The following DPP6 variants were observed in gnomAD, a reference collection of about 807,000 sequenced individuals.
DPP6 encodes the protein dipeptidyl peptidase like 6, also known as A-type potassium channel modulatory protein DPP6.
In DPP6, 69 loss-of-function variants were observed where a neutral mutation model predicts 122.6. The observed-to-expected ratio is 0.56, with a 90% CI of 0.46 to 0.69. DPP6 has a LOEUF of 0.69. Ranked by LOEUF, DPP6 falls within the 30% of genes least tolerant of loss-of-function variation. The pLI is 0.00. For synonymous variants in DPP6, 418 were observed against 433.1 expected, an observed-to-expected ratio of 0.97 and a Z score of 0.43; for missense variants, 928 against 1,116.9, an observed-to-expected ratio of 0.83 and a Z score of 2.41.
At chr7:154,276,508 G>T (rs115051583) in intron 1 of DPP6, among the ~76,000 whole-genome samples, 106 of 152,302 alleles carry the variant, frequency 7.0e-4, no homozygotes, top group African/African-American at 2.4e-3. Context: ...CAATAGAATT[G>T]ATTAGGAAAT....
In DPP6 at chr7:154,004,168, T is replaced by C. The variant is rs56107423; in HGVS notation, c.51+116434T>C. 9.0e-3 allele frequency among the ~76,000 whole-genome samples: 1,368 copies of C among 152,340 alleles called. 17 individuals carry two copies. Among genetic ancestry groups the C allele is most frequent in the African/African-American group, 0.031 (1,300 of 41,570 alleles). On this transcript the variant is annotated intron_variant, in intron 1 of 25. Transcript: ENST00000404039. ...TATCCTCACTGTCAATGTTTTTCTT[T>C]CCATACATTGTTGAGGTTAAGTTTG...
At chr7:154,110,830 A>G (rs1806520473) in intron 1 of DPP6, among the ~76,000 whole-genome samples, 1 of 151,904 alleles carries the variant, frequency 6.6e-6, no homozygotes. Flanking sequence ...AAAACCTTCC[A>G]GGGTCTGGGG....
intron 1 of DPP6, among the ~76,000 whole-genome samples, chr7:154,180,562 G>A (rs1798032045): frequency 7.8e-6 from 1 of 127,400 alleles, no homozygotes; most frequent in African/African-American, 3.0e-5. Flanking sequence ...TATTTAGAGA[G>A]AATATATATA....
intron 1 of DPP6, among the ~76,000 whole-genome samples, chr7:154,425,338 A>T (rs989798925): frequency 6.6e-6 from 1 of 152,206 alleles, no homozygotes; most frequent in African/African-American, 2.4e-5. Context: ...CAGTAAAATT[A>T]GCTGTAAATA....
chr7:154,212,690 C>G (rs1294879875), intron 1 of DPP6, among the ~76,000 whole-genome samples: 1 of 152,190 alleles, frequency 6.6e-6, no homozygotes, highest in African/African-American at 2.4e-5. Flanking sequence ...TTATGGAAAC[C>G]ATCAATTGTT....
rs543925006 is a variant in DPP6 at position 154,129,907 on chromosome 7, AAAAAAG to A, written c.243+76856_243+76861del. Among the ~76,000 whole-genome samples, 463 of 151,530 alleles carry A rather than the reference AAAAAAG, an allele frequency of 3.1e-3. 4 individuals carry two copies. Among genetic ancestry groups the A allele is most frequent in the Admixed American group, 5.1e-3 (78 of 15,250 alleles). On this transcript the variant is annotated intron_variant, in intron 1 of 25. Transcript: ENST00000377770. ...AGAGCGAGACTCTGTCTCAAAAAAAAAAAAAGAAAAAGAAAAAAATTAGCTGGGCAT... is the reference window on the plus strand; with the variant it reads ...AGAGCGAGACTCTGTCTCAAAAAAAAAAAAAGAAAAAAATTAGCTGGGCAT...
At chr7:153,800,163 A>G in the DPP6 span, among the ~76,000 whole-genome samples, 1 of 152,230 alleles carries the variant, frequency 6.6e-6, no homozygotes, top group South Asian at 2.1e-4. Flanking sequence ...AAGATATGGC[A>G]TCAACCTAAG....
chr7:154,046,627 G>A (rs3961903), intron 1 of DPP6, among the ~76,000 whole-genome samples: 16 of 152,316 alleles, frequency 1.1e-4, no homozygotes, highest in Admixed American at 8.5e-4. Flanking sequence ...GGTTTGTCAC[G>A]TAAAGGAAGA....
the DPP6 span, among the ~76,000 whole-genome samples, chr7:153,755,862 G>A: frequency 1.3e-5 from 2 of 151,938 alleles, no homozygotes; most frequent in Non-Finnish European, 2.9e-5. Flanking sequence ...CTTTCTGTAG[G>A]AAGCCCTCCC....
intron 1 of DPP6, among the ~76,000 whole-genome samples, chr7:154,297,768 C>T (rs922043454): frequency 2.6e-5 from 4 of 152,152 alleles, no homozygotes; most frequent in Admixed American, 6.5e-5. Context: ...TTTTCTCCCA[C>T]GAAGGGTTTG....
At chr7:154,440,325 A>G (rs1460620220) in intron 1 of DPP6, among the ~76,000 whole-genome samples, 1 of 152,064 alleles carries the variant, frequency 6.6e-6, no homozygotes, top group African/African-American at 2.4e-5. Context: ...GGCCATATCC[A>G]TTATCCCTCC....
At chr7:154,204,828 T>C (rs972966683) in intron 1 of DPP6, among the ~76,000 whole-genome samples, 1 of 152,138 alleles carries the variant, frequency 6.6e-6, no homozygotes, top group African/African-American at 2.4e-5. Context: ...TGTACCTGCA[T>C]GTGTTTATAC....
chr7:154,691,267 G>A lies in DPP6; in HGVS notation c.762+21826G>A, dbSNP rs182667204. The stretch of plus-strand genomic sequence containing the variant: ...CTGTTTTCAATTCTCTCAAACTTCT[G>A]TTTTCCGATGAGGAGCATGATTTTG... On this transcript the variant is annotated intron_variant, in intron 7 of 25. Coordinates refer to ENST00000377770, the MANE Select transcript of DPP6 (RefSeq NM_130797.4). Among the ~76,000 whole-genome samples, 759 of 152,240 alleles carry A rather than the reference G, an allele frequency of 5.0e-3. 5 individuals carry two copies. Among genetic ancestry groups the A allele is most frequent in the Non-Finnish European group, 8.2e-3 (558 of 68,016 alleles).
chr7:154,351,675 C>T (rs562985327), intron 1 of DPP6, among the ~76,000 whole-genome samples: 1 of 152,268 alleles, frequency 6.6e-6, no homozygotes, highest in African/African-American at 2.4e-5. Context: ...AGGGTAACCA[C>T]AGTCAAAGCC....
chr7:154,787,830 T>C (rs577442790), intron 10 of DPP6, among the ~76,000 whole-genome samples: 65 of 152,208 alleles, frequency 4.3e-4, no homozygotes, highest in Admixed American at 1.2e-3. Context: ...ATGTCTTTTC[T>C]CTTATTCCAG....
Position 154,060,302 on chromosome 7 carries a change from C to G in DPP6, c.243+7239C>G, listed in dbSNP as rs868616924. Among the ~76,000 whole-genome samples the G allele has an allele frequency of 1.9e-3, 260 of 133,360 alleles. 14 individuals carry two copies. The highest frequency in any genetic ancestry group is 8.3e-3 in the Middle Eastern group (2 of 240). The allele number at this position is 133,360 out of a possible 152,430, so 87.5% of individuals were successfully genotyped here. On this transcript the variant is annotated intron_variant, in intron 1 of 25. Transcript: ENST00000377770. ...ACTGAGAGGCAATCCCTCTTCCCCC[C>G]CTGGCTCTTAGGACCCCCATCGCAG...
intron 20 of DPP6, among the ~76,000 whole-genome samples, chr7:154,879,178 C>T (rs1805131950): frequency 6.6e-6 from 1 of 152,218 alleles, no homozygotes; most frequent in African/African-American, 2.4e-5. Flanking sequence ...CATGGTGGCT[C>T]ACGCCTGTAA....
At chr7:153,749,194 G>T in the DPP6 span, among the ~76,000 whole-genome samples, 3 of 152,186 alleles carry the variant, frequency 2.0e-5, no homozygotes, top group African/African-American at 7.2e-5. The surrounding 1 kb of genome is among the most constrained non-coding windows in gnomAD (Gnocchi z 4.1). Context: ...TTGAGAGAAC[G>T]TGTGCTGTTT....
chr7:154,507,879 T>A (rs1825779795), intron 3 of DPP6, among the ~76,000 whole-genome samples: 1 of 152,196 alleles, frequency 6.6e-6, no homozygotes, highest in Admixed American at 6.5e-5. Flanking sequence ...CAATTATTCC[T>A]TTTGGAGCAA....
Sources: gnomAD v4.1 joint callset for allele counts (sites outside exome capture counted in the v4.1 genomes callset) on GRCh38, gnomAD v4.1.1 for gene constraint, Gnocchi (gnomAD v3.1) non-coding constraint, MANE v1.5 for transcripts, NCBI Gene and HGNC (gene_info 2026-07-23, HGNC 2026-07-21) for gene names.